The following NOSTRIN variants were observed in gnomAD, a reference collection of about 807,000 sequenced individuals.
NOSTRIN encodes the protein BM247 homolog.
Under a neutral mutation model 59.0 loss-of-function variants are expected in NOSTRIN, and 63 were observed. The ratio of observed to expected loss-of-function variants is 1.07; its 90% CI spans 0.87 to 1.32. NOSTRIN has a LOEUF of 1.32. NOSTRIN is among the 40% of genes most tolerant of loss of function. The probability of loss-of-function intolerance (pLI) is 0.00; values close to 1 mark genes in which losing one functional copy is unlikely to be tolerated. For synonymous variants in NOSTRIN, 200 were observed against 165.4 expected, an observed-to-expected ratio of 1.21 and a Z score of -1.61; for missense variants, 512 against 473.1, an observed-to-expected ratio of 1.08 and a Z score of -0.76.
At chr2:168,793,331 G>T (rs72881773), upstream of NOSTRIN, among the ~76,000 whole-genome samples, 13,117 of 152,236 alleles carry the variant, frequency 0.086, 726 homozygotes, top group Middle Eastern at 0.12. Context: ...TATTGGCCAG[G>T]CGCCATGGCT....
rs774510682 is a variant in NOSTRIN at position 168,860,874 on chromosome 2, C to G, written c.1259C>G (p.Ser420Cys). ...GAGAATATTGTGAGCAAGGCATCTT[C>G]TGGTGGGCAGAGCAATCCAGGTTCT... is the stretch of plus-strand genomic sequence containing the variant. ...RLENIVSKAS[S>C]GGQSNPGSST... The change falls in exon 14 of 16, where the codon TCT (serine) becomes TGT (cysteine). Residue 420 changes from serine (S) to cysteine (C), a missense_variant. By Grantham distance (112) the Ser-to-Cys change is moderately radical. Transcript: ENST00000317647. 6.2e-7 allele frequency: 1 copy of G among 1,613,960 alleles called. No individual in the cohort carries two copies. Among genetic ancestry groups the G allele is most frequent in the Non-Finnish European group, 8.5e-7 (1 of 1,179,894 alleles).
intron 5 of NOSTRIN, among the ~76,000 whole-genome samples, chr2:168,828,820 C>G (rs1273356128): frequency 6.6e-6 from 1 of 151,762 alleles, no homozygotes; most frequent in Non-Finnish European, 1.5e-5. Flanking sequence ...AGAATTTAAT[C>G]ACATGGGGAT....
intron 2 of NOSTRIN, among the ~76,000 whole-genome samples, chr2:168,823,896 T>C (rs1686906714): frequency 6.6e-6 from 1 of 152,186 alleles, no homozygotes; most frequent in African/African-American, 2.4e-5. Context: ...AACAGCATGC[T>C]GAAACCTCAT....
intron 7 of NOSTRIN, among the ~76,000 whole-genome samples, chr2:168,842,231 G>T (rs1395673290): frequency 6.6e-6 from 1 of 152,220 alleles, no homozygotes; most frequent in African/African-American, 2.4e-5. Context: ...GAGAATGGGA[G>T]TGAGAGACAG....
chr2:168,794,073 T>C (rs1315531429), upstream of NOSTRIN, among the ~76,000 whole-genome samples: 2 of 152,230 alleles, frequency 1.3e-5, no homozygotes, highest in Non-Finnish European at 2.9e-5. Flanking sequence ...TAGAGTAATA[T>C]AACCTTCCTT....
intron 8 of NOSTRIN, among the ~76,000 whole-genome samples, chr2:168,849,905 G>A (rs114723444): frequency 0.038 from 4,563 of 121,152 alleles, 227 homozygotes; most frequent in African/African-American, 0.12. Flanking sequence ...GGTCCAATAA[G>A]TAACATTTTC....
At chr2:168,810,067 A>G (rs2105545156) in intron 1 of NOSTRIN, among the ~76,000 whole-genome samples, 2 of 152,262 alleles carry the variant, frequency 1.3e-5, no homozygotes, top group South Asian at 4.1e-4. Context: ...GGTGGCAGTG[A>G]TGGGCCAGAA....
intron 6 of NOSTRIN, 80 bp downstream of exon 6, chr2:168,831,614 T>C (rs1687367955): frequency 1.3e-6 from 1 of 773,758 alleles, no homozygotes; most frequent in African/African-American, 1.7e-5. Flanking sequence ...TGCGATGACA[T>C]GTTCTAGCAT....
intron 15 of NOSTRIN, among the ~76,000 whole-genome samples, chr2:168,864,102 G>GGACTA (rs1257135439): frequency 6.6e-6 from 1 of 151,952 alleles, no homozygotes; most frequent in African/African-American, 2.4e-5. Flanking sequence ...CAAATAGCTG[G>GGACTA]GACTACAGGC....
intron 8 of NOSTRIN, 33 bp from the exon 9 acceptor site, chr2:168,851,051 G>C (rs1418690433): frequency 8.2e-7 from 1 of 1,218,778 alleles, no homozygotes; most frequent in Non-Finnish European, 1.2e-6. Context: ...CATAACAACT[G>C]GCTGATCTTA....
At chr2:168,851,639 T>C (rs1688775252) in intron 10 of NOSTRIN, among the ~76,000 whole-genome samples, 1 of 152,200 alleles carries the variant, frequency 6.6e-6, no homozygotes, top group African/African-American at 2.4e-5. Context: ...AGAATCTTCA[T>C]ATTCGGTCTT....
chr2:168,796,302 C>T (rs930517965), upstream of NOSTRIN, among the ~76,000 whole-genome samples: 1 of 152,202 alleles, frequency 6.6e-6, no homozygotes, highest in Admixed American at 6.5e-5. Flanking sequence ...AGACGTGTCA[C>T]CCATGTCATA....
intron 15 of NOSTRIN, among the ~76,000 whole-genome samples, chr2:168,863,145 A>ATACTT (rs1393064114): frequency 6.6e-5 from 10 of 152,186 alleles, no homozygotes; most frequent in Non-Finnish European, 1.5e-4. Context: ...AAGCCTACTT[A>ATACTT]TACTTTATAT....
chr2:168,797,066 C>CT (rs1227423249), upstream of NOSTRIN, among the ~76,000 whole-genome samples: 1 of 114,116 alleles, frequency 8.8e-6, no homozygotes, highest in Non-Finnish European at 1.8e-5. Flanking sequence ...TTCTTTCTTT[C>CT]TTTTTCTTTT....
upstream of NOSTRIN, among the ~76,000 whole-genome samples, chr2:168,796,687 C>T (rs1325012200): frequency 6.6e-6 from 1 of 152,158 alleles, no homozygotes. Context: ...CTCTAAGTGG[C>T]CCCTTGGGAT....
chr2:168,817,993 C>G (rs1239140503), intron 2 of NOSTRIN, among the ~76,000 whole-genome samples: 1 of 152,132 alleles, frequency 6.6e-6, no homozygotes, highest in East Asian at 1.9e-4. Flanking sequence ...ACATCCACCC[C>G]CAAACTGGAA....
At chr2:168,827,131 A>G (rs1460876624) in intron 3 of NOSTRIN, among the ~76,000 whole-genome samples, 1 of 151,350 alleles carries the variant, frequency 6.6e-6, no homozygotes, top group Non-Finnish European at 1.5e-5. Flanking sequence ...GCAAGGATGC[A>G]GATCCACCCC....
upstream of NOSTRIN, among the ~76,000 whole-genome samples, chr2:168,798,645 C>G (rs997056768): frequency 6.6e-6 from 1 of 152,122 alleles, no homozygotes; most frequent in African/African-American, 2.4e-5. Context: ...GTAAATCTAA[C>G]CGGAAGCCAG....
chr2:168,841,263 AAAAG>A (rs1688088409), intron 7 of NOSTRIN, among the ~76,000 whole-genome samples: 1 of 135,054 alleles, frequency 7.4e-6, no homozygotes, highest in East Asian at 2.1e-4. Flanking sequence ...AAAAAAAAAG[AAAAG>A]AAAAAGAAAG....
Sources: allele counts gnomAD v4.1 joint callset (sites outside exome capture counted in the v4.1 genomes callset), GRCh38; gene constraint gnomAD v4.1.1; transcripts MANE v1.5; gene names NCBI Gene and HGNC (gene_info 2026-07-23, HGNC 2026-07-21).